The following GAN variants were observed in gnomAD, a reference collection of about 807,000 sequenced individuals.
GAN encodes the protein epididymis secretory sperm binding protein.
GAN carries 48 observed loss-of-function variants against 71.3 expected under a neutral mutation model. That is an observed-to-expected ratio of 0.67 (90% CI 0.53 to 0.86). The LOEUF is 0.86. Among genes scored for constraint, GAN ranks in the 40% least tolerant of loss-of-function variants. The pLI is 0.00. For synonymous variants in GAN, 386 were observed against 276.8 expected (o/e 1.39, Z -3.92); for missense variants, 928 against 770.1 (o/e 1.21, Z -2.43).
chr16:81,337,165 T>A (rs1909791954), intron 1 of GAN, among the ~76,000 whole-genome samples: 1 of 152,152 alleles, frequency 6.6e-6, no homozygotes, highest in Admixed American at 6.5e-5. Flanking sequence ...ACAAATTCCC[T>A]ACAGGAATGT....
In GAN at chr16:81,356,822, C is replaced by T. The variant is rs554667758; in HGVS notation, c.671C>T (p.Ser224Leu). The T allele has an allele frequency of 4.3e-5, 69 of 1,613,772 alleles. 1 individual carries two copies. In the South Asian group the frequency reaches 7.1e-4, roughly 17 times the overall value. ...GATGTTATGTCAGCTCTGTGGGTTT[C>T]AGGGTTGGACTCCAGTTATTTACGG... Reference protein sequence around the residue: ...MKDVMSALWVSGLDSSYLREQ... With the variant: ...MKDVMSALWVLGLDSSYLREQ... Residue 224 changes from serine to leucine, a missense_variant, in exon 4 of 11, where the codon TCA becomes TTA. Ser to Leu is a moderately radical substitution (Grantham distance 145). Transcript: ENST00000648994.
intron 1 of GAN, among the ~76,000 whole-genome samples, chr16:81,321,571 A>G (rs1222751340): frequency 6.6e-6 from 1 of 152,216 alleles, no homozygotes; most frequent in Admixed American, 6.5e-5. Flanking sequence ...CGCCTTATCC[A>G]TTGTTTAAAG....
chr16:81,371,217 A>G (rs1911027458), intron 9 of GAN, among the ~76,000 whole-genome samples: 1 of 152,188 alleles, frequency 6.6e-6, no homozygotes, highest in Admixed American at 6.5e-5. Flanking sequence ...CATCACAAGC[A>G]TATTTTCCTT....
At chr16:81,324,281 G>T (rs1909309207) in intron 1 of GAN, among the ~76,000 whole-genome samples, 1 of 152,188 alleles carries the variant, frequency 6.6e-6, no homozygotes, top group Non-Finnish European at 1.5e-5. Flanking sequence ...GGGGCTACCT[G>T]GGGAGGTGAG....
intron 1 of GAN, among the ~76,000 whole-genome samples, chr16:81,329,534 A>G (rs1909503080): frequency 6.6e-6 from 1 of 152,208 alleles, no homozygotes; most frequent in Non-Finnish European, 1.5e-5. Flanking sequence ...TTCAGTCTGC[A>G]GTTAGGCTCA....
At chr16:81,345,234 A>T (rs1202544423) in intron 1 of GAN, among the ~76,000 whole-genome samples, 1 of 152,238 alleles carries the variant, frequency 6.6e-6, no homozygotes, top group East Asian at 1.9e-4. Context: ...CATTTGACCC[A>T]GCAATCCCAT....
intron 1 of GAN, among the ~76,000 whole-genome samples, chr16:81,346,974 A>G (rs1344584749): frequency 6.6e-6 from 1 of 152,226 alleles, no homozygotes; most frequent in Non-Finnish European, 1.5e-5. Context: ...AAAAAGGGTG[A>G]ATTTGGAGCT....
intron 1 of GAN, among the ~76,000 whole-genome samples, chr16:81,322,067 G>T (rs1909240734): frequency 6.6e-6 from 1 of 152,152 alleles, no homozygotes; most frequent in South Asian, 2.1e-4. Context: ...AGTACTTAGG[G>T]CCAAAGAGTG....
In GAN at chr16:81,378,698, A is replaced by G. The variant is rs1394891003; in HGVS notation, c.*1102A>G. On this transcript the variant is annotated 3_prime_UTR_variant, in exon 11 of 11. Coordinates refer to ENST00000648994, the MANE Select transcript of GAN (RefSeq NM_022041.4). ...CATTCACTAGTGAGAGTTTTAGACAAATTATGTTACGAGTAAAGTTTGGCT... is the reference window on the plus strand; with the variant it reads ...CATTCACTAGTGAGAGTTTTAGACAGATTATGTTACGAGTAAAGTTTGGCT... 6.6e-6 allele frequency: 1 copy of G among 152,638 alleles called. No homozygotes were observed. The highest frequency in any genetic ancestry group is 1.5e-5 in the Non-Finnish European group (1 of 68,042). 9.5% of individuals were successfully genotyped at this position (152,638 alleles called of 1,614,324 possible). A position where few individuals can be genotyped will look rare whatever the true frequency, so the allele number is the denominator to read the frequency against.
At position 81,362,347 on chromosome 16, in the gene GAN, A is replaced by G. The variant is rs562762667; in HGVS notation, c.974-152A>G. Reference sequence around the variant, plus strand: ...AAGTGATGGTTTGGCTCCATCACCAAGGATCCAATGGGATGTGATAAAAGC... The same window carrying G: ...AAGTGATGGTTTGGCTCCATCACCAGGGATCCAATGGGATGTGATAAAAGC... On this transcript the variant is annotated intron_variant, in intron 5 of 10. Transcript: ENST00000648994. 4.4e-6 allele frequency: 3 copies of G among 685,430 alleles called. No homozygotes were observed. In the South Asian group the frequency reaches 4.6e-5, roughly 11 times the overall value. The allele number at this position is 685,430 out of a possible 1,614,324, so 42.5% of individuals were successfully genotyped here.
chr16:81,357,438 A>T (rs1243282262), intron 4 of GAN, among the ~76,000 whole-genome samples: 1 of 152,182 alleles, frequency 6.6e-6, no homozygotes, highest in Admixed American at 6.5e-5. Context: ...ACATGAACTC[A>T]TCCTTTTTTA....
At position 81,356,941 on chromosome 16, in the gene GAN, G is replaced by A; in HGVS notation, c.790G>A (p.Ala264Thr). The change falls in exon 4 of 11, where the codon GCC becomes ACC. Residue 264 changes from alanine to threonine, a missense_variant. Transcript: ENST00000648994. Reference sequence around the variant, plus strand: ...GCCGCAGCAAGGGGAGGCGATGCTGGCCAACTTCAAACCCCGGGGCTACTC... The same window carrying A: ...GCCGCAGCAAGGGGAGGCGATGCTGACCAACTTCAAACCCCGGGGCTACTC... Reference protein sequence around the residue: ...SQPQQGEAMLANFKPRGYSEC... With the variant: ...SQPQQGEAMLTNFKPRGYSEC... The A allele has an allele frequency of 6.2e-7, 1 of 1,613,788 alleles. No individual in the cohort carries two copies. Among genetic ancestry groups the A allele is most frequent in the Non-Finnish European group, 8.5e-7 (1 of 1,179,870 alleles).
chr16:81,353,209 T>C (rs1419482342), intron 2 of GAN, among the ~76,000 whole-genome samples: 1 of 149,466 alleles, frequency 6.7e-6, no homozygotes, highest in Non-Finnish European at 1.5e-5. Flanking sequence ...GAGAATGGCG[T>C]GAACCCCAGG....
chr16:81,320,388 A>G (rs1312228448), intron 1 of GAN, among the ~76,000 whole-genome samples: 1 of 152,228 alleles, frequency 6.6e-6, no homozygotes, highest in Admixed American at 6.5e-5. Flanking sequence ...ATAACTGCAT[A>G]GCCTCTTATT....
chr16:81,351,568 T>A lies in GAN; in HGVS notation c.168-15T>A. ...GTTCTTTCATAGAAATTTTACATTT[T>A]TTTCCCTTTCTTAGGACAAAGTTAA... is the stretch of plus-strand genomic sequence containing the variant. On this transcript the variant is annotated splice_polypyrimidine_tract_variant and intron_variant, in intron 1 of 10. Coordinates refer to ENST00000648994, the MANE Select transcript of GAN (RefSeq NM_022041.4). 1 of 1,065,508 alleles carries A rather than the reference T, an allele frequency of 9.4e-7. No homozygotes were observed. The highest frequency in any genetic ancestry group is 1.5e-6 in the Non-Finnish European group (1 of 679,136). 66.0% of individuals were successfully genotyped at this position (1,065,508 alleles called of 1,614,324 possible).
intron 4 of GAN, among the ~76,000 whole-genome samples, chr16:81,357,304 T>C (rs1910523004): frequency 6.6e-6 from 1 of 152,200 alleles, no homozygotes; most frequent in Non-Finnish European, 1.5e-5. Flanking sequence ...CCCCTTCCTG[T>C]GTCCATGTGT....
Position 81,356,821 on chromosome 16 carries a change from T to G in GAN, c.670T>G (p.Ser224Ala), listed in dbSNP as rs139055455. 60 of 1,613,768 alleles carry G rather than the reference T, an allele frequency of 3.7e-5. No homozygotes were observed. In the African/African-American group the frequency reaches 5.1e-4, roughly 14 times the overall value. Residue 224 changes from serine (S) to alanine (A), a missense_variant, in exon 4 of 11, where the codon TCA becomes GCA. Coordinates refer to ENST00000648994, the MANE Select transcript of GAN (RefSeq NM_022041.4). ...MKDVMSALWV[S>A]GLDSSYLREQ... ...GGATGTTATGTCAGCTCTGTGGGTT[T>G]CAGGGTTGGACTCCAGTTATTTACG...
intron 1 of GAN, among the ~76,000 whole-genome samples, chr16:81,340,585 C>T (rs758760244): frequency 2.0e-5 from 3 of 152,062 alleles, no homozygotes; most frequent in Non-Finnish European, 1.5e-5. Flanking sequence ...AAAGGAATAG[C>T]ATCAACATCA....
At chr16:81,342,049 A>C (rs1004275875) in intron 1 of GAN, among the ~76,000 whole-genome samples, 1 of 152,212 alleles carries the variant, frequency 6.6e-6, no homozygotes, top group African/African-American at 2.4e-5. Flanking sequence ...CCATTACATA[A>C]TGGTAAAGGG....
Sources: gnomAD v4.1 joint callset for allele counts (sites outside exome capture counted in the v4.1 genomes callset) on GRCh38, gnomAD v4.1.1 for gene constraint, MANE v1.5 for transcripts, NCBI Gene and HGNC (gene_info 2026-07-23, HGNC 2026-07-21) for gene names.